Variants in ADGRF5 observed in about 807,000 individuals in gnomAD.
ADGRF5 encodes the protein G-protein coupled receptor 116.
In ADGRF5, 75 loss-of-function variants were observed where a neutral mutation model predicts 132.3. The ratio of observed to expected loss-of-function variants is 0.57; its 90% CI spans 0.47 to 0.69. The LOEUF (loss-of-function observed/expected upper bound fraction) is 0.69, where lower values mean the gene tolerates loss of function less well. Ranked by LOEUF, ADGRF5 falls within the 30% of genes least tolerant of loss-of-function variation. ADGRF5 has a pLI of 0.00. For missense variants in ADGRF5, 1,516 were observed against 1,630.6 expected (o/e 0.93, Z 1.21); for synonymous variants, 629 against 597.6 (o/e 1.05, Z -0.77).
At chr6:46,855,566 A>G (rs987837732) in intron 20 of ADGRF5, among the ~76,000 whole-genome samples, 1 of 152,184 alleles carries the variant, frequency 6.6e-6, no homozygotes, top group African/African-American at 2.4e-5. Context: ...GAGATCCTGT[A>G]GTAAGATTTT....
chr6:46,860,543 T>C (rs1412966855), intron 16 of ADGRF5, among the ~76,000 whole-genome samples, 172 bp downstream of exon 16: 1 of 152,202 alleles, frequency 6.6e-6, no homozygotes, highest in East Asian at 1.9e-4. Context: ...TCAAAATGAA[T>C]ACTGGAAACA....
intron 3 of ADGRF5, among the ~76,000 whole-genome samples, chr6:46,892,155 T>TACACAC: frequency 7.3e-6 from 1 of 136,210 alleles, no homozygotes; most frequent in Non-Finnish European, 1.6e-5. Context: ...AATACACAAA[T>TACACAC]ACACACACAC....
intron 2 of ADGRF5, among the ~76,000 whole-genome samples, chr6:46,902,662 C>T (rs1581926787): frequency 1.3e-5 from 2 of 152,266 alleles, no homozygotes; most frequent in Middle Eastern, 3.4e-3. Flanking sequence ...TTATGGTGAT[C>T]ATCTGGAACT....
intron 14 of ADGRF5, 85 bp from the exon 15 acceptor site, chr6:46,863,181 G>A: frequency 9.7e-7 from 1 of 1,030,220 alleles, no homozygotes; most frequent in Non-Finnish European, 1.5e-6. Flanking sequence ...GTAGAATTTT[G>A]ATGTTTGAAT....
chr6:46,917,994 G>A (rs549102574), intron 1 of ADGRF5, among the ~76,000 whole-genome samples: 2 of 152,362 alleles, frequency 1.3e-5, no homozygotes, highest in South Asian at 4.1e-4. Context: ...TTAAGAGAAA[G>A]GTTCTTTGCC....
rs1581880663 is a variant in ADGRF5 at position 46,892,261 on chromosome 6, G to T, written c.158-3756C>A. On this transcript the variant is annotated intron_variant, in intron 3 of 20. Transcript: ENST00000283296. ...TCAGCCCATGTGAACCAAAGTAAAT[G>T]GGACCACTTTGTAAACTTTAAAGTA... is the stretch of plus-strand genomic sequence containing the variant. Among the ~76,000 whole-genome samples the T allele has an allele frequency of 5.9e-5, 9 of 151,484 alleles. No individual in the cohort carries two copies. The South Asian group carries it at 1.9e-3, about 32-fold the overall frequency.
chr6:46,931,528 T>C (rs1777556113), intron 1 of ADGRF5, among the ~76,000 whole-genome samples: 1 of 152,206 alleles, frequency 6.6e-6, no homozygotes, highest in Admixed American at 6.5e-5. Flanking sequence ...TTCCTTCTTA[T>C]AAACCACAAG....
Position 46,879,897 on chromosome 6 carries a change from G to GT in ADGRF5, c.956_957insA (p.Phe319LeufsTer26). The GT allele has an allele frequency of 6.2e-7, 1 of 1,614,130 alleles. No homozygotes were observed. The highest frequency in any genetic ancestry group is 8.5e-7 in the Non-Finnish European group (1 of 1,179,978). On this transcript the variant is annotated frameshift_variant, in exon 9 of 21. Transcript: ENST00000283296. LOFTEE classifies it high-confidence loss of function. Reference sequence around the variant, plus strand: ...TGTTGAAAAGTGCGGTGTAAATCGAGAATCTGCTGCTGTTCTGGATTTCCA... The same window carrying GT: ...TGTTGAAAAGTGCGGTGTAAATCGAGTAATCTGCTGCTGTTCTGGATTTCCA...
In ADGRF5 at chr6:46,858,792, C is replaced by T; in HGVS notation, c.3111G>A (p.Val1037=). 6.2e-7 allele frequency: 1 copy of T among 1,614,154 alleles called. No individual in the cohort carries two copies. The highest frequency in any genetic ancestry group is 1.7e-4 in the Middle Eastern group (1 of 6,058). Residue 1037 remains valine, a synonymous_variant, in exon 17 of 21, where the codon GTG becomes GTA. Coordinates refer to ENST00000283296, the MANE Select transcript of ADGRF5 (RefSeq NM_001098518.2). ...TCCGGTTCTTGGTCACCGATTTCCA[C>T]ACCACAGCTTCCACAACTAGACAGG... ...LAACLVVEAV[V]WKSVTKNRTS...
chr6:46,885,779 A>G (rs901914042), intron 4 of ADGRF5, among the ~76,000 whole-genome samples: 1 of 152,242 alleles, frequency 6.6e-6, no homozygotes, highest in African/African-American at 2.4e-5. Context: ...TTGTAGATAT[A>G]GTTTATAAGG....
intron 1 of ADGRF5, among the ~76,000 whole-genome samples, chr6:46,949,073 T>C (rs1778401941): frequency 6.6e-6 from 1 of 152,188 alleles, no homozygotes; most frequent in African/African-American, 2.4e-5. Flanking sequence ...GTACAGTTGA[T>C]TACATTTCAA....
At chr6:46,879,224 A>G (rs935987541) in intron 9 of ADGRF5, among the ~76,000 whole-genome samples, 6 of 151,542 alleles carry the variant, frequency 4.0e-5, no homozygotes, top group African/African-American at 1.5e-4. Context: ...ATTATATTAT[A>G]TACTATAATA....
chr6:46,884,027 C>T (rs578215828), intron 5 of ADGRF5, 68 bp downstream of exon 5: 4 of 1,250,734 alleles, frequency 3.2e-6, no homozygotes, highest in Middle Eastern at 1.9e-4. Context: ...CAGGCATGAG[C>T]CACCATGCCC....
chr6:46,877,690 C>A (rs1255789496), intron 10 of ADGRF5, among the ~76,000 whole-genome samples: 1 of 151,850 alleles, frequency 6.6e-6, no homozygotes, highest in Non-Finnish European at 1.5e-5. Context: ...GACTGAGAGA[C>A]AAACAGGTCT....
intron 1 of ADGRF5, among the ~76,000 whole-genome samples, chr6:46,951,078 C>A (rs932297391): frequency 6.6e-6 from 1 of 152,228 alleles, no homozygotes; most frequent in Non-Finnish European, 1.5e-5. Flanking sequence ...CTGGAAACCT[C>A]TCATGCAGGT....
intron 1 of ADGRF5, among the ~76,000 whole-genome samples, chr6:46,952,493 T>C (rs1778536497): frequency 1.3e-5 from 2 of 152,186 alleles, no homozygotes; most frequent in African/African-American, 4.8e-5. Context: ...TGAAAGAGGC[T>C]GTCACATAGA....
chr6:46,859,134 C>T lies in ADGRF5; in HGVS notation c.2769G>A (p.Val923=). Residue 923 remains valine (V), a synonymous_variant, in exon 17 of 21, where the codon GTG becomes GTA. Transcript: ENST00000283296. ...TATTGTGGCTGACAGTGGTTGTCAT[C>T]ACTAAGCTCTCTGCAAAGTTATTTT... ...IQENNFAESL[V]MTTTVSHNTT... 6.2e-7 allele frequency: 1 copy of T among 1,614,084 alleles called. No homozygotes were observed. The highest frequency in any genetic ancestry group is 8.5e-7 in the Non-Finnish European group (1 of 1,179,944).
intron 1 of ADGRF5, among the ~76,000 whole-genome samples, chr6:46,916,871 T>C (rs912944995): frequency 6.6e-6 from 1 of 152,250 alleles, no homozygotes; most frequent in African/African-American, 2.4e-5. Flanking sequence ...CCAGCTTTTA[T>C]TGTACCTTCT....
At chr6:46,918,145 C>T (rs115395180) in intron 1 of ADGRF5, among the ~76,000 whole-genome samples, 156 of 152,338 alleles carry the variant, frequency 1.0e-3, no homozygotes, top group African/African-American at 3.5e-3. Context: ...ACCAGAGTCA[C>T]ACCATGTGAT....
Sources: allele counts gnomAD v4.1 joint callset (sites outside exome capture counted in the v4.1 genomes callset), GRCh38; gene constraint gnomAD v4.1.1; transcripts MANE v1.5; gene names NCBI Gene and HGNC (gene_info 2026-07-23, HGNC 2026-07-21).